Variants in STX1B observed in about 807,000 individuals in gnomAD.
STX1B encodes the protein syntaxin-1B.
Under a neutral mutation model 39.4 loss-of-function variants are expected in STX1B, and 7 were observed. That is an observed-to-expected ratio of 0.18 (90% CI 0.10 to 0.33). The LOEUF (loss-of-function observed/expected upper bound fraction) is 0.33. Ranked by LOEUF, STX1B falls within the 10% of genes least tolerant of loss-of-function variation. The probability of loss-of-function intolerance (pLI) is 1.00; values close to 1 mark genes in which losing one functional copy is unlikely to be tolerated. For missense variants in STX1B, 198 were observed against 383.2 expected (o/e 0.52, Z 4.04); for synonymous variants, 136 against 144.1 (o/e 0.94, Z 0.40).
intron 7 of STX1B, among the ~76,000 whole-genome samples, chr16:30,995,011 A>G (rs1349067710): frequency 8.0e-5 from 12 of 149,642 alleles, no homozygotes; most frequent in Non-Finnish European, 1.3e-4. Context: ...TCCTGTACTC[A>G]GGCAATCCTT....
At chr16:31,002,766 C>T (rs1336292660) in intron 1 of STX1B, among the ~76,000 whole-genome samples, 2 of 152,154 alleles carry the variant, frequency 1.3e-5, no homozygotes, top group African/African-American at 4.8e-5. Context: ...GAAATGTATA[C>T]AGAGTTCATT....
Position 30,996,679 on chromosome 16 carries a change from T to G in STX1B, c.537+4A>C. On this transcript the variant is annotated splice_donor_region_variant and intron_variant, in intron 7 of 9. Transcript: ENST00000215095. ...AAGCAGAGCCCGCCCCACCCGCGGC[T>G]CACGTCATCTGTGAAGATGGCCAGC... 6.2e-7 allele frequency: 1 copy of G among 1,613,376 alleles called. No individual in the cohort carries two copies. The highest frequency in any genetic ancestry group is 8.5e-7 in the Non-Finnish European group (1 of 1,179,422).
At chr16:30,996,289 C>G (rs1461069190) in intron 7 of STX1B, 1 of 178,208 alleles carries the variant, frequency 5.6e-6, no homozygotes, top group African/African-American at 2.4e-5. Flanking sequence ...TGTCGTGTAT[C>G]CTAGGGCTCG....
At chr16:30,995,702 G>A (rs901721831) in intron 7 of STX1B, among the ~76,000 whole-genome samples, 1 of 151,750 alleles carries the variant, frequency 6.6e-6, no homozygotes, top group Non-Finnish European at 1.5e-5. Flanking sequence ...TGTTGGCCAG[G>A]CTGGTCTCGA....
intron 1 of STX1B, among the ~76,000 whole-genome samples, chr16:31,003,993 C>A (rs566717536): frequency 1.3e-5 from 2 of 152,280 alleles, no homozygotes; most frequent in Admixed American, 6.5e-5. Flanking sequence ...GGGCATCCAG[C>A]CCCTCAAAGA....
At position 31,002,414 on chromosome 16, in the gene STX1B, C is replaced by T. The variant is rs1020980057; in HGVS notation, c.31-811G>A. ...GAGACACAGACAGAAGAGCTGACACCCAAGGCACACAGGAATAGGCCCCCC... is the reference window on the plus strand; with the variant it reads ...GAGACACAGACAGAAGAGCTGACACTCAAGGCACACAGGAATAGGCCCCCC... On this transcript the variant is annotated intron_variant, in intron 1 of 9. Coordinates refer to ENST00000215095, the MANE Select transcript of STX1B (RefSeq NM_052874.5). 5.3e-5 allele frequency among the ~76,000 whole-genome samples: 8 copies of T among 152,246 alleles called. No individual in the cohort carries two copies. The East Asian group carries it at 5.8e-4, about 11-fold the overall frequency.
intron 1 of STX1B, 93 bp downstream of exon 1, chr16:31,010,274 G>A: frequency 9.8e-7 from 1 of 1,018,038 alleles, no homozygotes; most frequent in Non-Finnish European, 1.3e-6. Flanking sequence ...CTCATCCTTC[G>A]CCCCCACGTC....
chr16:31,005,704 C>A (rs528914136), intron 1 of STX1B, among the ~76,000 whole-genome samples: 1 of 152,270 alleles, frequency 6.6e-6, no homozygotes, highest in East Asian at 1.9e-4. Flanking sequence ...GATTGGGTAA[C>A]TTGCCCAAGA....
intron 1 of STX1B, among the ~76,000 whole-genome samples, chr16:31,005,879 ACCTCCTCAGGGGC>A (rs1375412456): frequency 2.0e-5 from 3 of 151,538 alleles, no homozygotes; most frequent in African/African-American, 7.3e-5. Context: ...CTGCAGCCTG[ACCTCCTCAGGGGC>A]CCCCTAAGTC....
chr16:31,000,000 C>CTT (rs957640442), intron 4 of STX1B, among the ~76,000 whole-genome samples: 11 of 140,730 alleles, frequency 7.8e-5, no homozygotes, highest in African/African-American at 1.6e-4. Context: ...TGGCAAAGTT[C>CTT]TTTTTTTTTT....
chr16:30,997,465 G>A (rs1365949413), intron 5 of STX1B, 37 bp downstream of exon 5: 1 of 1,567,640 alleles, frequency 6.4e-7, no homozygotes. Context: ...CCCGAGCTGG[G>A]TCCCGACCCG....
chr16:30,999,088 C>T lies in STX1B; in HGVS notation c.281-1513G>A, dbSNP rs1232829426. On this transcript the variant is annotated intron_variant, in intron 4 of 9. Coordinates refer to ENST00000215095, the MANE Select transcript of STX1B (RefSeq NM_052874.5). ...CCAAAACAAGCTAATTTTGAAATTGCTTTCATTTGTCTTACTGTACTGATA... is the reference window on the plus strand; with the variant it reads ...CCAAAACAAGCTAATTTTGAAATTGTTTTCATTTGTCTTACTGTACTGATA... Among the ~76,000 whole-genome samples, 2 of 152,118 alleles carry T rather than the reference C, an allele frequency of 1.3e-5. 1 individual carries two copies. The highest frequency in any genetic ancestry group is 2.9e-5 in the Non-Finnish European group (2 of 68,022).
chr16:31,001,410 C>T lies in STX1B; in HGVS notation c.105+119G>A. On this transcript the variant is annotated intron_variant, in intron 2 of 9. Transcript: ENST00000215095. This position sits in a 1 kb window ranked among gnomAD's most constrained non-coding sequence, Gnocchi z 5.5. ...TGCGGCTGGGCGGTGGGACTAGGGG[C>T]TGGGGCTGGGTGCTGGGGCTGGGGC... 1 of 769,894 alleles carries T rather than the reference C, an allele frequency of 1.3e-6. No homozygotes were observed. The highest frequency in any genetic ancestry group is 1.8e-5 in the South Asian group (1 of 55,666). The allele number at this position is 769,894 out of a possible 1,614,324, so 47.7% of individuals were successfully genotyped here.
At chr16:31,009,215 G>T (rs1299350150) in intron 1 of STX1B, among the ~76,000 whole-genome samples, 1 of 152,128 alleles carries the variant, frequency 6.6e-6, no homozygotes, top group Non-Finnish European at 1.5e-5. Context: ...TCAAAGGCCA[G>T]AAAAGCAGAG....
Position 31,010,409 on chromosome 16 carries a change from C to A in STX1B, c.-13G>T. On this transcript the variant is annotated 5_prime_UTR_variant, in exon 1 of 10. Transcript: ENST00000215095. ...TCCGATCCTTCATCCTGCGACGGCT[C>A]CTCCTCCTCCTCCTAGTCCTCCTGC... The A allele has an allele frequency of 7.2e-7, 1 of 1,386,384 alleles. No individual in the cohort carries two copies. The highest frequency in any genetic ancestry group is 9.6e-7 in the Non-Finnish European group (1 of 1,039,004). 85.9% of individuals were successfully genotyped at this position (1,386,384 alleles called of 1,614,324 possible).
Position 31,002,645 on chromosome 16 carries a change from G to A in STX1B, c.31-1042C>T, listed in dbSNP as rs374670542. ...CTGGACAGGAGAGGCTGTAGGGGAGGTGCCCTGTGCTACACACACCTGAGT... is the reference window on the plus strand; with the variant it reads ...CTGGACAGGAGAGGCTGTAGGGGAGATGCCCTGTGCTACACACACCTGAGT... On this transcript the variant is annotated intron_variant, in intron 1 of 9. Coordinates refer to ENST00000215095, the MANE Select transcript of STX1B (RefSeq NM_052874.5). Among the ~76,000 whole-genome samples, 136 of 152,288 alleles carry A rather than the reference G, an allele frequency of 8.9e-4. 1 individual carries two copies. The highest frequency in any genetic ancestry group is 3.4e-3 in the Middle Eastern group (1 of 294).
At chr16:30,996,028 T>C (rs1335240059) in intron 7 of STX1B, among the ~76,000 whole-genome samples, 1 of 151,500 alleles carries the variant, frequency 6.6e-6, no homozygotes, top group Non-Finnish European at 1.5e-5. Context: ...AAAAAGGTTT[T>C]TTTAGGCCGA....
rs762455791 is a variant in STX1B at position 31,000,851 on chromosome 16, C to T, written c.280+77G>A. The T allele has an allele frequency of 6.1e-6, 9 of 1,465,138 alleles. No homozygotes were observed. In the Admixed American group the frequency reaches 8.4e-5, roughly 14 times the overall value. The allele number at this position is 1,465,138 out of a possible 1,614,324, so 90.8% of individuals were successfully genotyped here. A position where few individuals can be genotyped will look rare whatever the true frequency, so the allele number is the denominator to read the frequency against. On this transcript the variant is annotated intron_variant, in intron 4 of 9. Coordinates refer to ENST00000215095, the MANE Select transcript of STX1B (RefSeq NM_052874.5). ...TGGGATTGAGCAATTGGCCCCGCCT[C>T]GCCCTCCCAAAGGCCTGAGCCACCA... is the stretch of plus-strand genomic sequence containing the variant.
At position 31,001,175 on chromosome 16, in the gene STX1B, A is replaced by T; in HGVS notation, c.124T>A (p.Cys42Ser). 1 of 1,613,934 alleles carries T rather than the reference A, an allele frequency of 6.2e-7. No individual in the cohort carries two copies. Among genetic ancestry groups the T allele is most frequent in the Admixed American group, 1.7e-5 (1 of 60,022 alleles). Residue 42 changes from cysteine (C) to serine (S), a missense_variant, in exon 3 of 10, where the codon TGC (cysteine) becomes AGC (serine). By Grantham distance (112) the Cys-to-Ser change is moderately radical (BLOSUM62 -1). Coordinates refer to ENST00000215095, the MANE Select transcript of STX1B (RefSeq NM_052874.5). This position sits in a 1 kb window ranked among gnomAD's most constrained non-coding sequence, Gnocchi z 5.5. ...FFEQVEEIRGCIEKLSEDVEQ... is the reference protein window; with the variant it reads ...FFEQVEEIRGSIEKLSEDVEQ... ...ACATCCTCCGACAGTTTCTCAATGC[A>T]GCCCCGGATCTCTTCCACCTGGAGC... is the stretch of plus-strand genomic sequence containing the variant.
Sources: allele counts gnomAD v4.1 joint callset (sites outside exome capture counted in the v4.1 genomes callset), GRCh38; gene constraint gnomAD v4.1.1; non-coding constraint Gnocchi (gnomAD v3.1); transcripts MANE v1.5; gene names NCBI Gene and HGNC (gene_info 2026-07-23, HGNC 2026-07-21).